Variants in CNTNAP3B observed in about 807,000 individuals in gnomAD.
The protein encoded by CNTNAP3B is contactin associated protein family member 3B.
A neutral mutation model predicts 108.9 loss-of-function variants in CNTNAP3B; 25 were observed. That is an observed-to-expected ratio of 0.23 (90% CI 0.17 to 0.32). The LOEUF (loss-of-function observed/expected upper bound fraction) is 0.32. CNTNAP3B is among the 10% of genes least tolerant of loss of function. The pLI is 1.00. For missense variants in CNTNAP3B, 252 were observed against 1,210.4 expected, an observed-to-expected ratio of 0.21 and a Z score of 11.75; for synonymous variants, 103 against 473.4, an observed-to-expected ratio of 0.22 and a Z score of 10.16.
chr9:42,003,981 A>G (rs1372913261), intron 4 of CNTNAP3B, among the ~76,000 whole-genome samples: 1 of 145,966 alleles, frequency 6.9e-6, no homozygotes, highest in Admixed American at 6.8e-5. Flanking sequence ...AAAACCCACA[A>G]TTGCCAATAT....
intron 11 of CNTNAP3B, 28 bp from the exon 12 acceptor site, chr9:41,960,920 C>T (rs1437908889): frequency 6.2e-7 from 1 of 1,609,668 alleles, no homozygotes; most frequent in African/African-American, 1.3e-5. Context: ...CCATAAGAAC[C>T]AGAAAAAATA....
chr9:41,948,018 A>G (rs1236210127), intron 13 of CNTNAP3B, among the ~76,000 whole-genome samples: 1 of 76,122 alleles, frequency 1.3e-5, no homozygotes, highest in Non-Finnish European at 2.8e-5. Context: ...AATTGAATTC[A>G]TAATTTAAAA....
chr9:41,930,081 T>A (rs1468005491), intron 14 of CNTNAP3B, among the ~76,000 whole-genome samples: 1 of 152,298 alleles, frequency 6.6e-6, no homozygotes, highest in East Asian at 1.9e-4. Flanking sequence ...TTTATCATTA[T>A]TTTTTAAAGT....
chr9:42,094,457 C>T (rs1827860295), intron 2 of CNTNAP3B, among the ~76,000 whole-genome samples: 1 of 128,548 alleles, frequency 7.8e-6, no homozygotes, highest in African/African-American at 3.2e-5. Context: ...GAATTCAAGA[C>T]CAGCCTGAGC....
intron 1 of CNTNAP3B, among the ~76,000 whole-genome samples, chr9:42,124,924 T>G (rs1828535670): frequency 7.2e-6 from 1 of 138,918 alleles, no homozygotes; most frequent in South Asian, 2.3e-4. Context: ...ATGCATCAAT[T>G]TAACTACACT....
chr9:41,969,763 G>T (rs1202656541), intron 10 of CNTNAP3B, among the ~76,000 whole-genome samples: 1 of 125,132 alleles, frequency 8.0e-6, no homozygotes, highest in Non-Finnish European at 1.7e-5. Context: ...GACTACAGGC[G>T]CCTGCCACCA....
At chr9:42,119,993 A>G (rs1301975924) in intron 1 of CNTNAP3B, among the ~76,000 whole-genome samples, 45 of 145,466 alleles carry the variant, frequency 3.1e-4, no homozygotes, top group Admixed American at 2.4e-3. Flanking sequence ...ATTAAACTAA[A>G]GAGCTTCTAC....
At chr9:41,915,366 AT>A (rs1823490258) in intron 18 of CNTNAP3B, among the ~76,000 whole-genome samples, 1 of 75,400 alleles carries the variant, frequency 1.3e-5, no homozygotes, top group Non-Finnish European at 2.5e-5. Context: ...GAATTTATTT[AT>A]TTTCTCTTAA....
chr9:41,942,407 C>G (rs1303543945), intron 13 of CNTNAP3B, among the ~76,000 whole-genome samples: 2 of 152,060 alleles, frequency 1.3e-5, no homozygotes, highest in African/African-American at 4.8e-5. Context: ...TCAGGAGATC[C>G]AGACCATCCT....
At chr9:41,967,801 T>G (rs1248795821) in intron 10 of CNTNAP3B, among the ~76,000 whole-genome samples, 2 of 152,290 alleles carry the variant, frequency 1.3e-5, no homozygotes, top group Admixed American at 1.3e-4. Flanking sequence ...GGGAATGAAA[T>G]AGTAAATAGC....
chr9:42,095,090 T>C (rs1249022913), intron 2 of CNTNAP3B, among the ~76,000 whole-genome samples: 1 of 136,136 alleles, frequency 7.3e-6, no homozygotes, highest in Non-Finnish European at 1.6e-5. Flanking sequence ...CTCTATTCAC[T>C]ATGCTGTGCA....
At chr9:41,958,165 TG>T (rs1824930295) in intron 12 of CNTNAP3B, among the ~76,000 whole-genome samples, 1 of 152,144 alleles carries the variant, frequency 6.6e-6, no homozygotes, top group South Asian at 2.1e-4. Context: ...TAGAGTGCAG[TG>T]GTGTGACCAT....
intron 3 of CNTNAP3B, among the ~76,000 whole-genome samples, chr9:42,044,330 C>A (rs1462905660): frequency 6.6e-6 from 1 of 151,174 alleles, no homozygotes; most frequent in Non-Finnish European, 1.5e-5. Flanking sequence ...CAGTTTCTGG[C>A]ATCCACCAGG....
At chr9:41,958,071 T>C (rs1824926468) in intron 12 of CNTNAP3B, among the ~76,000 whole-genome samples, 1 of 152,288 alleles carries the variant, frequency 6.6e-6, no homozygotes, top group Non-Finnish European at 1.5e-5. Flanking sequence ...TAATGCTTGC[T>C]CTGTCTCTTC....
intron 12 of CNTNAP3B, among the ~76,000 whole-genome samples, chr9:41,956,375 G>A (rs183600240): frequency 8.0e-3 from 1,215 of 151,834 alleles, no homozygotes; most frequent in African/African-American, 0.028. Context: ...GACAGAGCAA[G>A]CCTCTGTCTC....
chr9:42,077,652 A>G (rs1212412793), intron 2 of CNTNAP3B, among the ~76,000 whole-genome samples: 1 of 130,956 alleles, frequency 7.6e-6, no homozygotes, highest in African/African-American at 3.1e-5. Flanking sequence ...AAAATACAAA[A>G]AGGTATGGAG....
intron 14 of CNTNAP3B, among the ~76,000 whole-genome samples, chr9:41,933,995 T>C (rs1252219338): frequency 6.6e-6 from 1 of 151,614 alleles, no homozygotes; most frequent in South Asian, 2.1e-4. Context: ...AGTTTGTTAA[T>C]TATAATATTA....
At chr9:42,054,850 C>T (rs1394787441) in intron 3 of CNTNAP3B, among the ~76,000 whole-genome samples, 1 of 149,934 alleles carries the variant, frequency 6.7e-6, no homozygotes, top group Non-Finnish European at 1.5e-5. Context: ...TAATAAGCTC[C>T]TTCTGTGCTA....
At chr9:41,943,022 T>A (rs62536533) in intron 13 of CNTNAP3B, among the ~76,000 whole-genome samples, 131,175 of 152,302 alleles carry the variant, frequency 0.86, 55,024 homozygotes, top group Admixed American at 0.88. Context: ...AAACATGCAG[T>A]TATGACAGAT....
Sources: allele counts gnomAD v4.1 joint callset (sites outside exome capture counted in the v4.1 genomes callset), GRCh38; gene constraint gnomAD v4.1.1; transcripts MANE v1.5; gene names NCBI Gene and HGNC (gene_info 2026-07-23, HGNC 2026-07-21).